Variants in PLEKHG3 observed in about 807,000 individuals in gnomAD.
PLEKHG3 encodes the protein pleckstrin homology domain-containing family G member 3.
A neutral mutation model predicts 94.9 loss-of-function variants in PLEKHG3; 62 were observed. That is an observed-to-expected ratio of 0.65 (90% CI 0.53 to 0.81). The LOEUF is 0.81. PLEKHG3 is among the 30% of genes least tolerant of loss of function. The pLI is 0.00. For synonymous variants in PLEKHG3, 614 were observed against 654.0 expected (o/e 0.94, Z 0.93); for missense variants, 1,461 against 1,619.3 (o/e 0.90, Z 1.68).
chr14:64,705,623 G>T (rs1418276869), intron 1 of PLEKHG3, among the ~76,000 whole-genome samples: 1 of 152,184 alleles, frequency 6.6e-6, no homozygotes, highest in Non-Finnish European at 1.5e-5. Flanking sequence ...AGTCTCCCCA[G>T]CCGTGCCTCT....
chr14:64,728,111 C>G lies in PLEKHG3; in HGVS notation c.351+129C>G. The G allele has an allele frequency of 1.6e-6, 1 of 636,112 alleles. No homozygotes were observed. The highest frequency in any genetic ancestry group is 2.7e-6 in the Non-Finnish European group (1 of 376,568). 39.4% of individuals were successfully genotyped at this position (636,112 alleles called of 1,614,324 possible). The stretch of plus-strand genomic sequence containing the variant: ...TGGGGTCTCCCACCCTCGCTGACTG[C>G]ACTGTGAAAGCTGTTGACCCCTGAG... On this transcript the variant is annotated intron_variant, in intron 2 of 16. Transcript: ENST00000247226. This position sits in a 1 kb window ranked among gnomAD's most constrained non-coding sequence, Gnocchi z 5.9.
chr14:64,743,223 C>T lies in PLEKHG3; in HGVS notation c.3180C>T (p.Arg1060=), dbSNP rs755119107. The change falls in exon 17 of 17, where the codon CGC becomes CGT. Residue 1060 remains arginine (R), a synonymous_variant. Transcript: ENST00000247226. This position sits in a 1 kb window ranked among gnomAD's most constrained non-coding sequence, Gnocchi z 7.2. The part of the protein sequence containing the change: ...VRELCSKYAS[R]DEARRAGGGR... ...AGCTCTGCTCCAAGTATGCCTCCCG[C>T]GATGAGGCACGCCGAGCAGGGGGCG... is the stretch of plus-strand genomic sequence containing the variant. 7.8e-5 allele frequency: 126 copies of T among 1,608,554 alleles called. No individual in the cohort carries two copies. Among genetic ancestry groups the T allele is most frequent in the South Asian group, 4.9e-4 (45 of 90,940 alleles).
In PLEKHG3 at chr14:64,704,600, A is replaced by G. The variant is rs229665; in HGVS notation, c.-144A>G. On this transcript the variant is annotated 5_prime_UTR_variant, in exon 1 of 17. Transcript: ENST00000247226. This position sits in a 1 kb window ranked among gnomAD's most constrained non-coding sequence, Gnocchi z 5.6. ...GTGGGCGGGAGCGGTCGGCGGCCTC[A>G]GCCCCTTCAGAGAGCGACTTTCAAA... 0.19 allele frequency: 28,572 copies of G among 153,000 alleles called. 3,201 individuals carry two copies. Among genetic ancestry groups the G allele is most frequent in the African/African-American group, 0.31 (13,027 of 41,544 alleles). The allele number at this position is 153,000 out of a possible 1,614,324, so 9.5% of individuals were successfully genotyped here. A position where few individuals can be genotyped will look rare whatever the true frequency, so the allele number is the denominator to read the frequency against.
In PLEKHG3 at chr14:64,743,138, G is replaced by C. The variant is rs537240794; in HGVS notation, c.3095G>C (p.Arg1032Pro). The C allele has an allele frequency of 2.2e-5, 36 of 1,611,576 alleles. No homozygotes were observed. In the South Asian group the frequency reaches 4.0e-4, roughly 18 times the overall value. ...VSQRTTSPGG[R>P]PSARSPLSPT... ...CAGAGGACCACCTCGCCTGGGGGCC[G>C]GCCCTCCGCCCGGAGCCCCCTCAGC... Residue 1032 changes from arginine to proline, a missense_variant, in exon 17 of 17, where the codon CGG becomes CCG. Physicochemically the swap from Arg to Pro is moderately radical, Grantham distance 103 (BLOSUM62 -2). Around this residue, in one of 3 missense-constraint regions of PLEKHG3, gnomAD observed 1,201 missense variants for 1,295.5 expected, o/e 0.93. Transcript: ENST00000247226. This position sits in a 1 kb window ranked among gnomAD's most constrained non-coding sequence, Gnocchi z 7.2.
rs772437981 is a variant in PLEKHG3, at chr14:64,748,514, C to T, written c.*4811C>T. 1.3e-5 allele frequency: 2 copies of T among 152,412 alleles called. No homozygotes were observed. The highest frequency in any genetic ancestry group is 2.9e-5 in the Non-Finnish European group (2 of 68,208). The allele number at this position is 152,412 out of a possible 1,614,324, so 9.4% of individuals were successfully genotyped here. A position where few individuals can be genotyped will look rare whatever the true frequency, so the allele number is the denominator to read the frequency against. On this transcript the variant is annotated 3_prime_UTR_variant, in exon 17 of 17. Coordinates refer to ENST00000247226, the MANE Select transcript of PLEKHG3 (RefSeq NM_001308147.2). ...CGGTTTTCAATGAGGAATGGTCTGA[C>T]CTTGCTGCCCTTCCTGGGACCGCCT... is the stretch of plus-strand genomic sequence containing the variant.
In PLEKHG3 at chr14:64,743,048, C is replaced by G. The variant is rs573039108; in HGVS notation, c.3005C>G (p.Pro1002Arg). The change falls in exon 17 of 17, where the codon CCC (proline) becomes CGC (arginine). Residue 1002 changes from proline (P) to arginine (R), a missense_variant. Pro to Arg is a moderately radical substitution (Grantham distance 103). Transcript: ENST00000247226. The surrounding 1 kb of genome is among the most constrained non-coding windows in gnomAD (Gnocchi z 7.2). ...EQLMAQEHSP[P>R]KPSSAGEMSP... The stretch of plus-strand genomic sequence containing the variant: ...CTGATGGCCCAGGAGCACAGCCCTC[C>G]CAAGCCCTCCTCGGCTGGGGAGATG... The G allele has an allele frequency of 8.7e-6, 14 of 1,613,424 alleles. No homozygotes were observed. The Admixed American group carries it at 1.7e-4, about 19-fold the overall frequency.
chr14:64,704,738 T>C lies in PLEKHG3; in HGVS notation c.-40+34T>C, dbSNP rs535389450. 1.3e-4 allele frequency: 20 copies of C among 152,414 alleles called. No homozygotes were observed. The highest frequency in any genetic ancestry group is 4.8e-4 in the African/African-American group (20 of 41,552). 9.4% of individuals were successfully genotyped at this position (152,414 alleles called of 1,614,324 possible). A position where few individuals can be genotyped will look rare whatever the true frequency, so the allele number is the denominator to read the frequency against. On this transcript the variant is annotated intron_variant, in intron 1 of 16. Transcript: ENST00000247226. This position sits in a 1 kb window ranked among gnomAD's most constrained non-coding sequence, Gnocchi z 5.6. ...CCCCTGATTCTCCTCTCTCCCCTCT[T>C]ATCTCCCTGCATTAGGCTGAGCGGC...
Position 64,731,569 on chromosome 14 carries a change from C to A in PLEKHG3, c.1032+26C>A. 6.2e-7 allele frequency: 1 copy of A among 1,607,122 alleles called. No individual in the cohort carries two copies. Among genetic ancestry groups the A allele is most frequent in the Non-Finnish European group, 8.5e-7 (1 of 1,173,862 alleles). ...GTAACCAGGCCCTGCCCCATCTCCT[C>A]TGCCATCTTCTCTCCTTCCCAAAGG... On this transcript the variant is annotated intron_variant, in intron 8 of 16. Transcript: ENST00000247226. The surrounding 1 kb of genome is among the most constrained non-coding windows in gnomAD (Gnocchi z 6.1).
At position 64,737,373 on chromosome 14, in the gene PLEKHG3, A is replaced by T. The variant is rs1566712595; in HGVS notation, c.1402A>T (p.Lys468Ter). 1 of 1,598,252 alleles carries T rather than the reference A, an allele frequency of 6.3e-7. No homozygotes were observed. Reference protein sequence around the residue: ...LNEKARAAGMKGKGRRESESS... With the variant: ...LNEKARAAGM ...GTCTGCAGCCCGAGCAGCAGGAATG[A>T]AGGTAAAGGCCAGTGGGAGGAGGGG... The change falls in exon 14 of 17, where the codon AAG becomes TAG. Residue 468 changes from lysine (K) to a stop codon, truncating the protein, a stop_gained and splice_region_variant. Coordinates refer to ENST00000247226, the MANE Select transcript of PLEKHG3 (RefSeq NM_001308147.2). LOFTEE classifies it high-confidence loss of function.
At chr14:64,740,371 G>A (rs2081662723) in intron 15 of PLEKHG3, among the ~76,000 whole-genome samples, 1 of 152,252 alleles carries the variant, frequency 6.6e-6, no homozygotes, top group African/African-American at 2.4e-5. Context: ...AGGTGGTCAA[G>A]AGGGAATTCT....
chr14:64,728,927 G>C lies in PLEKHG3; in HGVS notation c.352-69G>C. ...GGTGTTACAGCAGGGCCGAAACGAG[G>C]TGTGGCTAGGGAAGGTAGTGGGCAG... On this transcript the variant is annotated intron_variant, in intron 2 of 16. Coordinates refer to ENST00000247226, the MANE Select transcript of PLEKHG3 (RefSeq NM_001308147.2). This position sits in a 1 kb window ranked among gnomAD's most constrained non-coding sequence, Gnocchi z 5.9. 1.6e-6 allele frequency: 1 copy of C among 619,086 alleles called. No individual in the cohort carries two copies. The highest frequency in any genetic ancestry group is 3.0e-5 in the East Asian group (1 of 33,628). 38.3% of individuals were successfully genotyped at this position (619,086 alleles called of 1,614,324 possible). A position where few individuals can be genotyped will look rare whatever the true frequency, so the allele number is the denominator to read the frequency against.
chr14:64,730,816 C>T lies in PLEKHG3; in HGVS notation c.584C>T (p.Thr195Met), dbSNP rs78610683. The change falls in exon 6 of 17, where the codon ACG (threonine) becomes ATG (methionine). Residue 195 changes from threonine to methionine, a missense_variant. Around this residue, in one of 3 missense-constraint regions of PLEKHG3, gnomAD observed 253 missense variants for 297.8 expected, o/e 0.85. Transcript: ENST00000247226. The surrounding 1 kb of genome is among the most constrained non-coding windows in gnomAD (Gnocchi z 5.4). ...NNYPNSVAAL[T>M]ECMRDKQQAK... ...ACTCCCAGCTCCGTGGCCGCCCTGA[C>T]GGAATGCATGCGGGACAAGCAGCAG... The T allele has an allele frequency of 1.2e-3, 1,894 of 1,613,452 alleles. 20 individuals carry two copies. In the East Asian group the frequency reaches 0.019, roughly 16 times the overall value.
In PLEKHG3 at chr14:64,732,758, G is replaced by C; in HGVS notation, c.1247-45G>C. On this transcript the variant is annotated intron_variant, in intron 11 of 16. Transcript: ENST00000247226. The surrounding 1 kb of genome is among the most constrained non-coding windows in gnomAD (Gnocchi z 4.9). ...TGGACAGGGTCTAGGGTAGGCCAAGGCCAATTGGGAATCAAAAGCTTGATC... is the reference window on the plus strand; with the variant it reads ...TGGACAGGGTCTAGGGTAGGCCAAGCCCAATTGGGAATCAAAAGCTTGATC... The C allele has an allele frequency of 1.4e-6, 2 of 1,471,126 alleles. No homozygotes were observed. The highest frequency in any genetic ancestry group is 1.9e-6 in the Non-Finnish European group (2 of 1,069,356). The allele number at this position is 1,471,126 out of a possible 1,614,324, so 91.1% of individuals were successfully genotyped here. A position where few individuals can be genotyped will look rare whatever the true frequency, so the allele number is the denominator to read the frequency against.
At chr14:64,712,223 A>C (rs1427968967) in intron 1 of PLEKHG3, among the ~76,000 whole-genome samples, 1 of 152,160 alleles carries the variant, frequency 6.6e-6, no homozygotes, top group African/African-American at 2.4e-5. Flanking sequence ...AGTCTTGATA[A>C]CTATAGCTTT....
chr14:64,729,982 G>A (rs961536786), intron 3 of PLEKHG3, among the ~76,000 whole-genome samples: 3 of 152,210 alleles, frequency 2.0e-5, no homozygotes, highest in African/African-American at 4.8e-5. Flanking sequence ...CCCTCCCGAG[G>A]TGGGTATGGG....
chr14:64,716,181 T>A lies in PLEKHG3; in HGVS notation c.-39-11412T>A, dbSNP rs2081141958. 2.6e-6 allele frequency: 1 copy of A among 382,002 alleles called. No homozygotes were observed. The highest frequency in any genetic ancestry group is 1.9e-5 in the South Asian group (1 of 53,326). The allele number at this position is 382,002 out of a possible 1,614,324, so 23.7% of individuals were successfully genotyped here. On this transcript the variant is annotated intron_variant, in intron 1 of 16. Coordinates refer to ENST00000247226, the MANE Select transcript of PLEKHG3 (RefSeq NM_001308147.2). This position sits in a 1 kb window ranked among gnomAD's most constrained non-coding sequence, Gnocchi z 5.0. ...TCCGGGCCTCTAAGCCTTGCCGGAC[T>A]TCCCCCAGGAAACCCAGCCAATCAC...
At chr14:64,705,740 G>A (rs2080961622) in intron 1 of PLEKHG3, among the ~76,000 whole-genome samples, 2 of 152,200 alleles carry the variant, frequency 1.3e-5, no homozygotes, top group African/African-American at 2.4e-5. Flanking sequence ...CGGCCACCTC[G>A]CCTTCAGCAG....
Position 64,709,124 on chromosome 14 carries a change from T to A in PLEKHG3, c.-40+4420T>A, listed in dbSNP as rs547996722. On this transcript the variant is annotated intron_variant, in intron 1 of 16. Coordinates refer to ENST00000247226, the MANE Select transcript of PLEKHG3 (RefSeq NM_001308147.2). ...AGGTTGGCCATGCTAACTGGGTTGC[T>A]ATCTGGGGACAGGAATGGTGCTGGA... is the stretch of plus-strand genomic sequence containing the variant. 6.6e-5 allele frequency among the ~76,000 whole-genome samples: 10 copies of A among 152,312 alleles called. No individual in the cohort carries two copies. The South Asian group carries it at 8.3e-4, about 13-fold the overall frequency.
Position 64,738,077 on chromosome 14 carries a change from G to GC in PLEKHG3, c.1405-660dup. On this transcript the variant is annotated intron_variant, in intron 14 of 16. Transcript: ENST00000247226. This position sits in a 1 kb window ranked among gnomAD's most constrained non-coding sequence, Gnocchi z 4.8. ...GCAACGAGAAGGGGGCTGGGCCGGAGCCCCCAGGCTCAGAGGAGGAGGAGG... is the reference window on the plus strand; with the variant it reads ...GCAACGAGAAGGGGGCTGGGCCGGAGCCCCCCAGGCTCAGAGGAGGAGGAGG... 3.1e-6 allele frequency: 4 copies of GC among 1,301,672 alleles called. No homozygotes were observed. The highest frequency in any genetic ancestry group is 4.0e-6 in the Non-Finnish European group (4 of 995,860). 80.6% of individuals were successfully genotyped at this position (1,301,672 alleles called of 1,614,324 possible).
Sources: allele counts gnomAD v4.1 joint callset (sites outside exome capture counted in the v4.1 genomes callset), GRCh38; gene constraint gnomAD v4.1.1; regional missense constraint gnomAD v4.1.1; non-coding constraint Gnocchi (gnomAD v3.1); transcripts MANE v1.5; gene names NCBI Gene and HGNC (gene_info 2026-07-23, HGNC 2026-07-21).